EXOC3L2: variants seen among roughly 807,000 people sequenced by gnomAD.
EXOC3L2 encodes exocyst complex component 3-like protein 2.
A neutral mutation model predicts 44.4 loss-of-function variants in EXOC3L2; 17 were observed. The observed-to-expected ratio is 0.38, with a 90% CI of 0.26 to 0.57. The LOEUF is 0.57. EXOC3L2 is among the 20% of genes least tolerant of loss of function. The pLI, the probability that EXOC3L2 is intolerant of heterozygous loss-of-function variation, is 0.65. For synonymous variants in EXOC3L2, 256 were observed against 253.7 expected, an observed-to-expected ratio of 1.01 and a Z score of -0.09; for missense variants, 541 against 588.4, an observed-to-expected ratio of 0.92 and a Z score of 0.83.
chr19:45,227,735 C>T lies in EXOC3L2; in HGVS notation c.1510G>A (p.Ala504Thr). 3 of 1,613,034 alleles carry T rather than the reference C, an allele frequency of 1.9e-6. No individual in the cohort carries two copies. Among genetic ancestry groups the T allele is most frequent in the Non-Finnish European group, 2.5e-6 (3 of 1,179,832 alleles). Residue 504 changes from alanine to threonine, a missense_variant, in exon 7 of 12, where the codon GCA becomes ACA. Transcript: ENST00000413988. ...GTGTCAGGTAGCATCTCCCGGACTG[C>T]TGGGTTCTCATGGAATCGCTCCACA... ...QRVERFHENP[A>T]VREMLPDTYI...
At chr19:45,225,002 G>T in intron 7 of EXOC3L2, 89 bp from the exon 8 acceptor site, 4 of 1,367,836 alleles carry the variant, frequency 2.9e-6, no homozygotes, top group Non-Finnish European at 3.8e-6. Flanking sequence ...GATCAGAGGG[G>T]CACAGGGGTG....
At chr19:45,230,658 T>C (rs1284037410) in intron 4 of EXOC3L2, among the ~76,000 whole-genome samples, 1 of 152,126 alleles carries the variant, frequency 6.6e-6, no homozygotes, top group African/African-American at 2.4e-5. Flanking sequence ...CAAGGGTCTA[T>C]GTTTTATTGT....
chr19:45,220,461 T>G (rs1298799731), intron 8 of EXOC3L2, among the ~76,000 whole-genome samples: 1 of 151,904 alleles, frequency 6.6e-6, no homozygotes, highest in East Asian at 1.9e-4. Context: ...CAGAGCAAGA[T>G]TCTATCTCAA....
chr19:45,224,695 G>A (rs1969935866), intron 8 of EXOC3L2, 83 bp downstream of exon 8: 2 of 1,489,108 alleles, frequency 1.3e-6, no homozygotes, highest in Admixed American at 4.5e-5. Flanking sequence ...TGAGCCATGG[G>A]CTAAAAGGAA....
At chr19:45,222,773 T>G (rs1202209407) in intron 8 of EXOC3L2, among the ~76,000 whole-genome samples, 1 of 152,040 alleles carries the variant, frequency 6.6e-6, no homozygotes, top group African/African-American at 2.4e-5. Flanking sequence ...TACATAGTGG[T>G]TTATAGACTA....
At position 45,214,456 on chromosome 19, in the gene EXOC3L2, GTGTTTGTT is replaced by G. The variant is rs57770472; in HGVS notation, c.2121-1107_2121-1100del. Among the ~76,000 whole-genome samples the G allele has an allele frequency of 3.0e-3, 455 of 151,440 alleles. 1 individual carries two copies. Among genetic ancestry groups the G allele is most frequent in the African/African-American group, 9.9e-3 (408 of 41,122 alleles). On this transcript the variant is annotated intron_variant, in intron 11 of 11. Coordinates refer to ENST00000413988, the MANE Select transcript of EXOC3L2 (RefSeq NM_001382422.1). The stretch of plus-strand genomic sequence containing the variant: ...TGATCTGGTACACTAGTTTTTTTGT[GTGTTTGTT>G]TGTTTGTTTGTTTGTTTTGAGACAG...
chr19:45,225,006 A>C, intron 7 of EXOC3L2, 93 bp from the exon 8 acceptor site: 1 of 1,319,802 alleles, frequency 7.6e-7, no homozygotes, highest in South Asian at 2.0e-5. Flanking sequence ...AGAGGGGCAC[A>C]GGGGTGACAG....
At chr19:45,239,637 C>T (rs921807487) in intron 1 of EXOC3L2, among the ~76,000 whole-genome samples, 2 of 152,024 alleles carry the variant, frequency 1.3e-5, no homozygotes, top group Non-Finnish European at 2.9e-5. Context: ...TCTCCTGCCT[C>T]AGCCTCCGGA....
At chr19:45,243,690 C>T (rs1166286472) in intron 1 of EXOC3L2, among the ~76,000 whole-genome samples, 1 of 152,146 alleles carries the variant, frequency 6.6e-6, no homozygotes, top group East Asian at 1.9e-4. Context: ...AGTGCAATGG[C>T]GCGATTTCAG....
At chr19:45,216,721 CCACGTCTG>C (rs1969839131) in intron 10 of EXOC3L2, 1 of 152,630 alleles carries the variant, frequency 6.6e-6, no homozygotes, top group South Asian at 2.1e-4. Context: ...CAAACCTCTT[CCACGTCTG>C]CAAAATCTTG....
chr19:45,223,374 G>A (rs1969919021), intron 8 of EXOC3L2, among the ~76,000 whole-genome samples: 2 of 151,918 alleles, frequency 1.3e-5, no homozygotes, highest in East Asian at 1.9e-4. Context: ...GGGAAGTCTC[G>A]CTCTGTCACC....
intron 10 of EXOC3L2, 150 bp from the exon 11 acceptor site, chr19:45,216,344 C>T (rs1379936064): frequency 6.2e-6 from 7 of 1,123,742 alleles, no homozygotes; most frequent in East Asian, 2.8e-5. Flanking sequence ...GGGAGGAGGC[C>T]GAGGCGGGTG....
rs1167375087 is a variant in EXOC3L2, at chr19:45,217,558, C to G, written c.1968G>C (p.Ala656=). Residue 656 remains alanine, a synonymous_variant, in exon 10 of 12, where the codon GCG becomes GCC. Coordinates refer to ENST00000413988, the MANE Select transcript of EXOC3L2 (RefSeq NM_001382422.1). ...GCCGGAACAGCCTCTGCAGTTGCGC[C>G]GCGTCCTCCCGGAGCCTGCCGGCCA... ...SRVAGRLRED[A]AQLQRLFRRL... The G allele has an allele frequency of 2.6e-6, 4 of 1,566,368 alleles. No individual in the cohort carries two copies. Among genetic ancestry groups the G allele is most frequent in the Non-Finnish European group, 3.4e-6 (4 of 1,163,308 alleles).
chr19:45,215,741 G>A (rs1008549999), intron 11 of EXOC3L2, among the ~76,000 whole-genome samples: 25 of 152,128 alleles, frequency 1.6e-4, no homozygotes, highest in African/African-American at 2.4e-5. Context: ...GTGCGTGTGC[G>A]CCCGTGTGCC....
chr19:45,213,627 C>T (rs563518812), intron 11 of EXOC3L2, among the ~76,000 whole-genome samples: 100 of 152,214 alleles, frequency 6.6e-4, no homozygotes, highest in African/African-American at 2.4e-3. Context: ...TCCTTTTCAC[C>T]CCAAGCCTCA....
chr19:45,213,394 C>G, intron 11 of EXOC3L2, 37 bp from the exon 12 acceptor site: 3 of 1,607,790 alleles, frequency 1.9e-6, no homozygotes, highest in Non-Finnish European at 2.5e-6. Context: ...ATGCAGATCC[C>G]CAGCTCTAGA....
intron 4 of EXOC3L2, among the ~76,000 whole-genome samples, chr19:45,230,045 G>C (rs186724036): frequency 1.3e-5 from 2 of 151,528 alleles, no homozygotes; most frequent in Non-Finnish European, 2.9e-5. Flanking sequence ...TTTCTTTAGA[G>C]GCCACGTCTT....
In EXOC3L2 at chr19:45,213,264, G is replaced by C. The variant is rs1476922154; in HGVS notation, c.2214C>G (p.Leu738=). Residue 738 remains leucine (L), a synonymous_variant, in exon 12 of 12, where the codon CTC becomes CTG. Coordinates refer to ENST00000413988, the MANE Select transcript of EXOC3L2 (RefSeq NM_001382422.1). ...EILAVARDLE[L]SEEGALSPPR... ...GGGGTGACAGGGCTCCCTCCTCAGA[G>C]AGTTCCAGGTCCCGGGCCACGGCCA... 1 of 1,613,756 alleles carries C rather than the reference G, an allele frequency of 6.2e-7. No individual in the cohort carries two copies.
In EXOC3L2 at chr19:45,234,139, T is replaced by A; in HGVS notation, c.1157+54A>T. On this transcript the variant is annotated intron_variant, in intron 3 of 11. Coordinates refer to ENST00000413988, the MANE Select transcript of EXOC3L2 (RefSeq NM_001382422.1). This position sits in a 1 kb window ranked among gnomAD's most constrained non-coding sequence, Gnocchi z 5.0. ...CCTTAAGGTCTGAAGAAGCCAGTGC[T>A]AGGGGGTAGGGCTGAGGGTTTCACG... is the stretch of plus-strand genomic sequence containing the variant. 5.2e-6 allele frequency: 2 copies of A among 385,126 alleles called. No individual in the cohort carries two copies. Among genetic ancestry groups the A allele is most frequent in the Non-Finnish European group, 4.6e-6 (1 of 217,236 alleles). The allele number at this position is 385,126 out of a possible 1,614,324, so 23.9% of individuals were successfully genotyped here. A position where few individuals can be genotyped will look rare whatever the true frequency, so the allele number is the denominator to read the frequency against.
Sources: gnomAD v4.1 joint callset for allele counts (sites outside exome capture counted in the v4.1 genomes callset) on GRCh38, gnomAD v4.1.1 for gene constraint, Gnocchi (gnomAD v3.1) non-coding constraint, MANE v1.5 for transcripts, NCBI Gene and HGNC (gene_info 2026-07-23, HGNC 2026-07-21) for gene names.